Variants in DNAH2 observed in about 807,000 individuals in gnomAD.
DNAH2 encodes the protein axonemal beta dynein heavy chain 2.
DNAH2 carries 323 observed loss-of-function variants against 523.5 expected under a neutral mutation model. The ratio of observed to expected loss-of-function variants is 0.62; its 90% CI spans 0.56 to 0.68. The LOEUF (loss-of-function observed/expected upper bound fraction) is 0.68. Ranked by LOEUF, DNAH2 falls within the 30% of genes least tolerant of loss-of-function variation. The pLI is 0.00. For synonymous variants in DNAH2, 2,093 were observed against 2,177.4 expected (o/e 0.96, Z 1.08); for missense variants, 4,907 against 5,701.5 (o/e 0.86, Z 4.49).
intron 42 of DNAH2, 129 bp downstream of exon 42, chr17:7,787,162 G>T (rs2076763252): frequency 4.9e-6 from 6 of 1,219,206 alleles, no homozygotes; most frequent in South Asian, 1.5e-5. Flanking sequence ...AAAGGTGGAT[G>T]CCTGGATTCA....
intron 11 of DNAH2, among the ~76,000 whole-genome samples, chr17:7,741,298 CTT>C (rs1567625024): frequency 0.05 from 2,105 of 42,256 alleles, 111 homozygotes; most frequent in Non-Finnish European, 0.055. Flanking sequence ...TTCTTTCTTC[CTT>C]CCTTCCCTCC....
chr17:7,775,691 C>A (rs113214736), intron 30 of DNAH2, among the ~76,000 whole-genome samples: 17,514 of 78,416 alleles, frequency 0.22, 1,372 homozygotes, highest in African/African-American at 0.4. Flanking sequence ...GTCTCAAAAC[C>A]AAAAAAAAAA....
Position 7,779,229 on chromosome 17 carries a change from C to T in DNAH2, c.5542-14C>T. On this transcript the variant is annotated splice_polypyrimidine_tract_variant and intron_variant, in intron 35 of 85. Transcript: ENST00000572933. ...CACCTCTCGCTCCCAGTGACTCTGC[C>T]TTGCACCCCGCAGACTGGAGCTTGG... is the stretch of plus-strand genomic sequence containing the variant. The T allele has an allele frequency of 6.2e-7, 1 of 1,613,194 alleles. No homozygotes were observed. Among genetic ancestry groups the T allele is most frequent in the Non-Finnish European group, 8.5e-7 (1 of 1,179,638 alleles).
In DNAH2 at chr17:7,819,073, C is replaced by A; in HGVS notation, c.10815+10C>A. The A allele has an allele frequency of 6.2e-7, 1 of 1,601,824 alleles. No individual in the cohort carries two copies. Reference sequence around the variant, plus strand: ...TGACTTGGCGCGGGAGGTAAGCTCCCGGCCCTCCAGTCCTGCCTCCCACCA... The same window carrying A: ...TGACTTGGCGCGGGAGGTAAGCTCCAGGCCCTCCAGTCCTGCCTCCCACCA... On this transcript the variant is annotated intron_variant, in intron 71 of 85. Coordinates refer to ENST00000572933, the MANE Select transcript of DNAH2 (RefSeq NM_020877.5).
chr17:7,778,129 A>G lies in DNAH2; in HGVS notation c.5300A>G (p.Tyr1767Cys). 6.2e-7 allele frequency: 1 copy of G among 1,614,168 alleles called. No individual in the cohort carries two copies. Among genetic ancestry groups the G allele is most frequent in the African/African-American group, 1.3e-5 (1 of 75,012 alleles). The part of the protein sequence containing the change: ...RQTNTQFQYN[Y>C]EYLGNSGRLV... ...ACCAACACGCAATTTCAGTATAATTATGAGTACTTGGGTAACTCGGGCCGG... is the reference window on the plus strand; with the variant it reads ...ACCAACACGCAATTTCAGTATAATTGTGAGTACTTGGGTAACTCGGGCCGG... The change falls in exon 34 of 86, where the codon TAT (tyrosine) becomes TGT (cysteine). Residue 1767 changes from tyrosine to cysteine, a missense_variant. Tyr to Cys is a radical substitution (Grantham distance 194). Around this residue, in one of 3 missense-constraint regions of DNAH2, gnomAD observed 2,806 missense variants for 3,190.8 expected, o/e 0.88. Transcript: ENST00000572933.
intron 3 of DNAH2, among the ~76,000 whole-genome samples, chr17:7,724,254 G>A (rs1222439432): frequency 1.3e-5 from 2 of 152,062 alleles, no homozygotes; most frequent in Non-Finnish European, 2.9e-5. Flanking sequence ...GAAAAAAATG[G>A]CAAGAGACAG....
At chr17:7,809,591 ATG>A (rs1370042668) in intron 63 of DNAH2, among the ~76,000 whole-genome samples, 3 of 152,184 alleles carry the variant, frequency 2.0e-5, no homozygotes, top group Admixed American at 6.5e-5. Context: ...TTTCACCTAG[ATG>A]AATCATATCC....
chr17:7,747,907 A>G (rs1172379494), intron 12 of DNAH2, among the ~76,000 whole-genome samples: 2 of 152,210 alleles, frequency 1.3e-5, no homozygotes, highest in Non-Finnish European at 2.9e-5. Context: ...AGTCAGTTAC[A>G]GCTTCCAAAA....
chr17:7,775,616 C>T (rs900808415), intron 30 of DNAH2, among the ~76,000 whole-genome samples: 1 of 142,658 alleles, frequency 7.0e-6, no homozygotes, highest in Non-Finnish European at 1.5e-5. Context: ...ACCTGGGAGG[C>T]GGAGGTTGTG....
chr17:7,753,930 G>A (rs147043495), intron 12 of DNAH2, among the ~76,000 whole-genome samples: 3,776 of 151,802 alleles, frequency 0.025, 147 homozygotes, highest in African/African-American at 0.084. Flanking sequence ...CCTGGGCGAC[G>A]GAGCAAGACT....
chr17:7,811,473 G>A (rs2077515589), intron 63 of DNAH2, among the ~76,000 whole-genome samples: 1 of 152,178 alleles, frequency 6.6e-6, no homozygotes, highest in Non-Finnish European at 1.5e-5. Context: ...TCTCAGCTGA[G>A]GGGTTATCTC....
In DNAH2 at chr17:7,740,798, C is replaced by T; in HGVS notation, c.1507-12C>T. ...CCGGGCACGTCGCCAGCCTCTTCCTCTTCTTCCCTAGGCTATCAAGCGGAC... is the reference window on the plus strand; with the variant it reads ...CCGGGCACGTCGCCAGCCTCTTCCTTTTCTTCCCTAGGCTATCAAGCGGAC... On this transcript the variant is annotated splice_polypyrimidine_tract_variant and intron_variant, in intron 10 of 85. Transcript: ENST00000572933. 6.3e-7 allele frequency: 1 copy of T among 1,596,084 alleles called. No individual in the cohort carries two copies. Among genetic ancestry groups the T allele is most frequent in the African/African-American group, 1.3e-5 (1 of 74,734 alleles).
chr17:7,787,101 G>A (rs2076761346), intron 42 of DNAH2, 68 bp downstream of exon 42: 2 of 1,575,198 alleles, frequency 1.3e-6, no homozygotes, highest in African/African-American at 1.3e-5. Context: ...CCGGGGCTGG[G>A]GAGGAGAGCC....
chr17:7,727,754 CAAAAAAAAAAAA>C (rs766811062), intron 4 of DNAH2, among the ~76,000 whole-genome samples: 1 of 48,978 alleles, frequency 2.0e-5, no homozygotes, highest in African/African-American at 8.4e-5. Flanking sequence ...GACTCTGTCT[CAAAAAAAAAAAA>C]AAAAAAAAAA....
intron 69 of DNAH2, 91 bp downstream of exon 69, chr17:7,818,551 T>C: frequency 1.2e-6 from 2 of 1,602,070 alleles, no homozygotes; most frequent in Non-Finnish European, 1.7e-6. Flanking sequence ...GTTGGGCAGC[T>C]GAGGATGAGG....
rs771426903 is a variant in DNAH2, at chr17:7,759,090, A to C, written c.2414A>C (p.Asn805Thr). ...CAGGATGTGGTGACCATCATGACCAACTCCTATGAGGTCTTCAAGAATGAT... is the reference window on the plus strand; with the variant it reads ...CAGGATGTGGTGACCATCATGACCACCTCCTATGAGGTCTTCAAGAATGAT... Reference protein sequence around the residue: ...LHQDVVTIMTNSYEVFKNDGP... With the variant: ...LHQDVVTIMTTSYEVFKNDGP... The change falls in exon 15 of 86, where the codon AAC becomes ACC. Residue 805 changes from asparagine to threonine, a missense_variant. Coordinates refer to ENST00000572933, the MANE Select transcript of DNAH2 (RefSeq NM_020877.5). 1 of 1,613,830 alleles carries C rather than the reference A, an allele frequency of 6.2e-7. No homozygotes were observed. Among genetic ancestry groups the C allele is most frequent in the Non-Finnish European group, 8.5e-7 (1 of 1,179,954 alleles).
intron 2 of DNAH2, among the ~76,000 whole-genome samples, chr17:7,722,211 G>A (rs1015616066): frequency 7.9e-5 from 12 of 151,260 alleles, no homozygotes; most frequent in African/African-American, 2.7e-4. Flanking sequence ...CACCATCTTG[G>A]CCAGGCTGGT....
In DNAH2 at chr17:7,762,268, G is replaced by T. The variant is rs150382716; in HGVS notation, c.2978+1336G>T. 6.3e-3 allele frequency among the ~76,000 whole-genome samples: 954 copies of T among 152,012 alleles called. 8 individuals are homozygous for T. Among genetic ancestry groups the T allele is most frequent in the African/African-American group, 0.021 (861 of 41,476 alleles). The stretch of plus-strand genomic sequence containing the variant: ...GCCAGGGCAGTTCAATGGAAGGACA[G>T]AGGATTTCCAGCTGGGGATTTTAGG... On this transcript the variant is annotated intron_variant, in intron 18 of 85. Transcript: ENST00000572933.
Position 7,832,475 on chromosome 17 carries a change from C to T in DNAH2, c.12727-104C>T. 1 of 1,416,988 alleles carries T rather than the reference C, an allele frequency of 7.1e-7. No individual in the cohort carries two copies. 87.8% of individuals were successfully genotyped at this position (1,416,988 alleles called of 1,614,324 possible). Reference sequence around the variant, plus strand: ...AGTGAGCCAAGATCGTACCACTGCACTCCAGCCTGGGGGACAAGAGCAAAA... The same window carrying T: ...AGTGAGCCAAGATCGTACCACTGCATTCCAGCCTGGGGGACAAGAGCAAAA... On this transcript the variant is annotated intron_variant, in intron 82 of 85. Coordinates refer to ENST00000572933, the MANE Select transcript of DNAH2 (RefSeq NM_020877.5). The surrounding 1 kb of genome is among the most constrained non-coding windows in gnomAD (Gnocchi z 4.3).
Sources: gnomAD v4.1 joint callset for allele counts (sites outside exome capture counted in the v4.1 genomes callset) on GRCh38, gnomAD v4.1.1 for gene constraint, gnomAD v4.1.1 regional missense constraint, Gnocchi (gnomAD v3.1) non-coding constraint, MANE v1.5 for transcripts, NCBI Gene and HGNC (gene_info 2026-07-23, HGNC 2026-07-21) for gene names.